Variants in KCTD18 observed in about 807,000 individuals in gnomAD.
KCTD18 encodes potassium channel tetramerization domain containing 18.
KCTD18 carries 22 observed loss-of-function variants against 30.4 expected under a neutral mutation model. The ratio of observed to expected loss-of-function variants is 0.72; its 90% CI spans 0.52 to 1.03. The LOEUF (loss-of-function observed/expected upper bound fraction) is 1.03. Ranked by LOEUF, KCTD18 falls within the 50% of genes least tolerant of loss-of-function variation. The pLI, the probability that KCTD18 is intolerant of heterozygous loss-of-function variation, is 0.00. For missense variants in KCTD18, 529 were observed against 547.6 expected (o/e 0.97, Z 0.34); for synonymous variants, 186 against 209.0 (o/e 0.89, Z 0.95).
intron 4 of KCTD18, 146 bp downstream of exon 4, chr2:200,498,745 G>C: frequency 1.5e-6 from 1 of 669,778 alleles, no homozygotes; most frequent in Non-Finnish European, 2.6e-6. Context: ...CATGAAGCAG[G>C]CCTATCTCAA....
chr2:200,490,139 C>A lies in KCTD18; in HGVS notation c.1242G>T (p.Leu414Phe), dbSNP rs2087884221. ...KPLPGEAARA[L>F]GVRTENGKNK... ...TCTTCCCGTTCTCAGTCCGCACTCC[C>A]AAGGCACGGGCAGCTTCGCCGGGAA... The change falls in exon 7 of 7, where the codon TTG (leucine) becomes TTT (phenylalanine). Residue 414 changes from leucine (L) to phenylalanine (F), a missense_variant. By Grantham distance (22) the Leu-to-Phe change is conservative. Transcript: ENST00000359878. The A allele has an allele frequency of 7.5e-6, 12 of 1,604,438 alleles. No individual in the cohort carries two copies. Among genetic ancestry groups the A allele is most frequent in the Non-Finnish European group, 1.0e-5 (12 of 1,172,600 alleles).
chr2:200,504,816 T>C lies in KCTD18; in HGVS notation c.304A>G (p.Ser102Gly). The change falls in exon 3 of 7, where the codon AGC becomes GGC. Residue 102 changes from serine to glycine, a missense_variant. By Grantham distance (56) the Ser-to-Gly change is moderately conservative. Transcript: ENST00000359878. The stretch of plus-strand genomic sequence containing the variant: ...TCATTGGCCAAATGGTCAGACAGGC[T>C]GTATGGATAAGGGATGCCAAAGTAA... The part of the protein sequence containing the change: ...ADYFGIPYPY[S>G]LSDHLANEME... The C allele has an allele frequency of 1.2e-6, 2 of 1,614,216 alleles. No homozygotes were observed. Among genetic ancestry groups the C allele is most frequent in the Non-Finnish European group, 1.7e-6 (2 of 1,180,030 alleles).
At chr2:200,504,201 G>A (rs758929281) in intron 3 of KCTD18, among the ~76,000 whole-genome samples, 4 of 152,316 alleles carry the variant, frequency 2.6e-5, no homozygotes, top group South Asian at 2.1e-4. Flanking sequence ...GCTCACGCCT[G>A]TAATCCCAGC....
chr2:200,507,470 A>C (rs924108300), intron 1 of KCTD18, among the ~76,000 whole-genome samples: 5 of 152,194 alleles, frequency 3.3e-5, no homozygotes, highest in Admixed American at 1.3e-4. Flanking sequence ...GACAGCATGG[A>C]ATTGAGCTGC....
chr2:200,491,821 A>AATGTG (rs2087921710), intron 6 of KCTD18, among the ~76,000 whole-genome samples: 1 of 152,196 alleles, frequency 6.6e-6, no homozygotes. Context: ...GCATAGCATC[A>AATGTG]ATGTGTCATT....
intron 1 of KCTD18, among the ~76,000 whole-genome samples, chr2:200,509,407 G>A (rs1414336012): frequency 6.6e-6 from 1 of 152,018 alleles, no homozygotes; most frequent in Admixed American, 6.5e-5. Context: ...ACTTGGCTAC[G>A]ATAACACAGC....
chr2:200,507,584 G>C (rs1322546718), intron 1 of KCTD18, among the ~76,000 whole-genome samples: 1 of 151,982 alleles, frequency 6.6e-6, no homozygotes, highest in East Asian at 1.9e-4. Context: ...GACTATAAGA[G>C]GAATAATTAA....
intron 1 of KCTD18, among the ~76,000 whole-genome samples, chr2:200,508,194 A>G (rs774301901): frequency 6.6e-5 from 10 of 152,138 alleles, no homozygotes; most frequent in Non-Finnish European, 1.3e-4. Context: ...GGTTCAAGCA[A>G]TTCTCCTGCC....
In KCTD18 at chr2:200,493,171, C is replaced by T; in HGVS notation, c.764+1G>A. 6.3e-7 allele frequency: 1 copy of T among 1,581,428 alleles called. No individual in the cohort carries two copies. The highest frequency in any genetic ancestry group is 8.7e-7 in the Non-Finnish European group (1 of 1,150,280). On this transcript the variant is annotated splice_donor_variant, in intron 6 of 6. Coordinates refer to ENST00000359878, the MANE Select transcript of KCTD18 (RefSeq NM_152387.4). LOFTEE classifies it high-confidence loss of function. ...CAAATAAACAACACAGCATAGATAACCTCTTTCGAATTGGAGCCATGTGAC... is the reference window on the plus strand; with the variant it reads ...CAAATAAACAACACAGCATAGATAATCTCTTTCGAATTGGAGCCATGTGAC...
chr2:200,505,472 T>G (rs960773335), intron 2 of KCTD18, among the ~76,000 whole-genome samples: 3 of 152,194 alleles, frequency 2.0e-5, no homozygotes, highest in African/African-American at 4.8e-5. Flanking sequence ...GACCTTTGCG[T>G]TCTCACTACC....
intron 2 of KCTD18, among the ~76,000 whole-genome samples, chr2:200,506,136 A>G (rs975885343): frequency 6.6e-6 from 1 of 151,944 alleles, no homozygotes; most frequent in African/African-American, 2.4e-5. Flanking sequence ...CATGTTCAAG[A>G]CTCCTCAATC....
chr2:200,502,612 G>A (rs985353406), intron 3 of KCTD18, among the ~76,000 whole-genome samples: 6 of 152,170 alleles, frequency 3.9e-5, no homozygotes, highest in African/African-American at 1.4e-4. Context: ...TTCCTACTCT[G>A]AGCTGAGCTC....
Position 200,505,993 on chromosome 2 carries a change from A to C in KCTD18, c.160+864T>G, listed in dbSNP as rs549068563. 1.2e-4 allele frequency among the ~76,000 whole-genome samples: 18 copies of C among 152,212 alleles called. No homozygotes were observed. The East Asian group carries it at 3.5e-3, about 29-fold the overall frequency. ...CCCTGCTTACCATCTTTGCCCCAAC[A>C]ACCTTTCTGCCCAGGTAGAAACCAA... On this transcript the variant is annotated intron_variant, in intron 2 of 6. Coordinates refer to ENST00000359878, the MANE Select transcript of KCTD18 (RefSeq NM_152387.4).
intron 3 of KCTD18, among the ~76,000 whole-genome samples, chr2:200,501,412 T>C (rs1348020490): frequency 7.5e-6 from 1 of 133,792 alleles, no homozygotes; most frequent in Non-Finnish European, 1.6e-5. Context: ...ATATCCAGAA[T>C]CTACAATGAA....
chr2:200,496,411 G>GA (rs969979259), intron 5 of KCTD18: 1 of 152,386 alleles, frequency 6.6e-6, no homozygotes, highest in African/African-American at 2.4e-5. Context: ...AAAAAGGAAG[G>GA]AAAGTGAGGG....
chr2:200,506,276 G>A (rs1173413640), intron 2 of KCTD18, among the ~76,000 whole-genome samples: 1 of 152,176 alleles, frequency 6.6e-6, no homozygotes, highest in Non-Finnish European at 1.5e-5. Context: ...TGGAAGCAGA[G>A]AGCAGCCCCA....
intron 1 of KCTD18, among the ~76,000 whole-genome samples, chr2:200,509,128 C>A (rs2030372378): frequency 6.6e-6 from 1 of 152,156 alleles, no homozygotes; most frequent in Non-Finnish European, 1.5e-5. Flanking sequence ...ACTTGACACA[C>A]TTTACCTAAT....
At chr2:200,506,701 T>C (rs1424071019) in intron 2 of KCTD18, among the ~76,000 whole-genome samples, 156 bp downstream of exon 2, 1 of 152,270 alleles carries the variant, frequency 6.6e-6, no homozygotes, top group East Asian at 1.9e-4. Context: ...TAGTATTTAA[T>C]TTCTCCACGT....
chr2:200,497,870 T>C lies in KCTD18; in HGVS notation c.567-23A>G, dbSNP rs1574801549. On this transcript the variant is annotated intron_variant, in intron 4 of 6. Coordinates refer to ENST00000359878, the MANE Select transcript of KCTD18 (RefSeq NM_152387.4). ...TCTCTAGAAATATTGCAAAGAGTAA[T>C]GAAAATATACTACCTAGGTATGGAT... is the stretch of plus-strand genomic sequence containing the variant. The C allele has an allele frequency of 2.0e-6, 3 of 1,484,456 alleles. No individual in the cohort carries two copies. In the Middle Eastern group the frequency reaches 5.2e-4, roughly 258 times the overall value. 92.0% of individuals were successfully genotyped at this position (1,484,456 alleles called of 1,614,324 possible).
Sources: allele counts gnomAD v4.1 joint callset (sites outside exome capture counted in the v4.1 genomes callset), GRCh38; gene constraint gnomAD v4.1.1; transcripts MANE v1.5; gene names NCBI Gene and HGNC (gene_info 2026-07-23, HGNC 2026-07-21).